Variants in AQP3 observed in about 807,000 individuals in gnomAD.
The protein encoded by AQP3 is aquaporin 3 (Gill blood group).
AQP3 carries 15 observed loss-of-function variants against 30.3 expected under a neutral mutation model. That is an observed-to-expected ratio of 0.49 (90% CI 0.33 to 0.76). The LOEUF (loss-of-function observed/expected upper bound fraction) is 0.76, where lower values mean the gene tolerates loss of function less well. AQP3 is among the 30% of genes least tolerant of loss of function. The pLI is 0.02. For missense variants in AQP3, 272 were observed against 384.8 expected (o/e 0.71, Z 2.45); for synonymous variants, 153 against 163.2 (o/e 0.94, Z 0.47).
rs1388106286 is a variant in AQP3 at position 33,443,721 on chromosome 9, A to G, written c.235+45T>C. 2 of 1,612,988 alleles carry G rather than the reference A, an allele frequency of 1.2e-6. No homozygotes were observed. The highest frequency in any genetic ancestry group is 1.7e-6 in the Non-Finnish European group (2 of 1,179,632). ...TAGGAATGCCAGGACACCTAGTGGG[A>G]ATGCTATTGAGGGCCAAGGGCTGGG... On this transcript the variant is annotated intron_variant, in intron 2 of 5. Coordinates refer to ENST00000297991, the MANE Select transcript of AQP3 (RefSeq NM_004925.5). The surrounding 1 kb of genome is among the most constrained non-coding windows in gnomAD (Gnocchi z 5.0).
rs752949682 is a variant in AQP3, at chr9:33,447,523, C to A, written c.8G>T (p.Arg3Leu). 1.2e-6 allele frequency: 2 copies of A among 1,601,992 alleles called. No individual in the cohort carries two copies. The highest frequency in any genetic ancestry group is 1.7e-6 in the Non-Finnish European group (2 of 1,173,832). ...GCAGCGGGACACCAGCTCCTTCTGT[C>A]GACCCATGGCGGGGCAGGCGGCGGC... MG[R>L]QKELVSRCGE... Residue 3 changes from arginine (R) to leucine (L), a missense_variant, in exon 1 of 6, where the codon CGA becomes CTA. Physicochemically the swap from Arg to Leu is moderately radical, Grantham distance 102 (BLOSUM62 -2). This residue lies in a region of AQP3 where 51 missense variants were observed against 46.5 expected (regional missense o/e 1.10). Transcript: ENST00000297991.
In AQP3 at chr9:33,441,682, CCCT is replaced by C; in HGVS notation, c.*358_*360del. The C allele has an allele frequency of 2.4e-6, 1 of 423,088 alleles. No individual in the cohort carries two copies. The highest frequency in any genetic ancestry group is 7.1e-5 in the South Asian group (1 of 14,064). The allele number at this position is 423,088 out of a possible 1,614,324, so 26.2% of individuals were successfully genotyped here. ...ATAGCCAGAATCCCTTCCGACTGGT[CCCT>C]TGCCCTGAATATCTGGGAACCCCCC... On this transcript the variant is annotated 3_prime_UTR_variant, in exon 6 of 6. Transcript: ENST00000297991.
In AQP3 at chr9:33,447,283, C is replaced by G. The variant is rs1035068806; in HGVS notation, c.108+140G>C. 6 of 759,490 alleles carry G rather than the reference C, an allele frequency of 7.9e-6. No homozygotes were observed. The African/African-American group carries it at 1.0e-4, about 13-fold the overall frequency. 47.0% of individuals were successfully genotyped at this position (759,490 alleles called of 1,614,324 possible). A position where few individuals can be genotyped will look rare whatever the true frequency, so the allele number is the denominator to read the frequency against. On this transcript the variant is annotated intron_variant, in intron 1 of 5. Transcript: ENST00000297991. ...AGAGGACTTTGGAAGTCAGCTTGAT[C>G]CTCCGCGGTTAAGCGTGGGGGTCAC...
rs753351256 is a variant in AQP3, at chr9:33,441,948, G to T, written c.*95C>A. On this transcript the variant is annotated 3_prime_UTR_variant, in exon 6 of 6. Coordinates refer to ENST00000297991, the MANE Select transcript of AQP3 (RefSeq NM_004925.5). Reference sequence around the variant, plus strand: ...ATAGGGAGCTCCTTAGCCTGAAAGGGTGGATCGTGAAGGGGGCTTCTTGGG... The same window carrying T: ...ATAGGGAGCTCCTTAGCCTGAAAGGTTGGATCGTGAAGGGGGCTTCTTGGG... 118 of 1,543,636 alleles carry T rather than the reference G, an allele frequency of 7.6e-5. No individual in the cohort carries two copies. The highest frequency in any genetic ancestry group is 1.0e-4 in the Non-Finnish European group (114 of 1,138,618).
chr9:33,443,594 C>A lies in AQP3; in HGVS notation c.236-136G>T, dbSNP rs2231227. On this transcript the variant is annotated intron_variant, in intron 2 of 5. Transcript: ENST00000297991. The surrounding 1 kb of genome is among the most constrained non-coding windows in gnomAD (Gnocchi z 5.0). ...TCTATGTAACAGGTCAGCTGATAAT[C>A]TCTGATTCCAAGGTGAGAGTCGAAA... is the stretch of plus-strand genomic sequence containing the variant. 0.02 allele frequency: 28,362 copies of A among 1,449,082 alleles called. 363 individuals carry two copies. Among genetic ancestry groups the A allele is most frequent in the Middle Eastern group, 0.053 (229 of 4,340 alleles). The allele number at this position is 1,449,082 out of a possible 1,614,324, so 89.8% of individuals were successfully genotyped here. A position where few individuals can be genotyped will look rare whatever the true frequency, so the allele number is the denominator to read the frequency against.
At chr9:33,442,750 A>G (rs1587197991) in intron 4 of AQP3, 102 bp downstream of exon 4, 1 of 1,245,876 alleles carries the variant, frequency 8.0e-7, no homozygotes, top group Non-Finnish European at 1.2e-6. Flanking sequence ...GATTGGAGAA[A>G]CCCTGCTACA....
At position 33,443,110 on chromosome 9, in the gene AQP3, G is replaced by C; in HGVS notation, c.374-140C>G. The C allele has an allele frequency of 9.7e-7, 1 of 1,032,738 alleles. No individual in the cohort carries two copies. Among genetic ancestry groups the C allele is most frequent in the Non-Finnish European group, 1.5e-6 (1 of 682,246 alleles). 64.0% of individuals were successfully genotyped at this position (1,032,738 alleles called of 1,614,324 possible). On this transcript the variant is annotated intron_variant, in intron 3 of 5. Coordinates refer to ENST00000297991, the MANE Select transcript of AQP3 (RefSeq NM_004925.5). The surrounding 1 kb of genome is among the most constrained non-coding windows in gnomAD (Gnocchi z 5.0). ...TATTGCAGCAGGCAGAGGGGGTGGCGTGGGGTGGGGTGGAGGGCCTGAGAC... is the reference window on the plus strand; with the variant it reads ...TATTGCAGCAGGCAGAGGGGGTGGCCTGGGGTGGGGTGGAGGGCCTGAGAC...
chr9:33,443,916 G>A lies in AQP3; in HGVS notation c.109-24C>T, dbSNP rs769374338. 2.0e-5 allele frequency: 33 copies of A among 1,610,372 alleles called. No homozygotes were observed. The highest frequency in any genetic ancestry group is 3.5e-4 in the Middle Eastern group (2 of 5,670). Reference sequence around the variant, plus strand: ...ATCTGTCAGGAAGAAGAACAGGCAGGGAGGGTGAGGACCAGCAACTCTCAC... The same window carrying A: ...ATCTGTCAGGAAGAAGAACAGGCAGAGAGGGTGAGGACCAGCAACTCTCAC... On this transcript the variant is annotated intron_variant, in intron 1 of 5. Coordinates refer to ENST00000297991, the MANE Select transcript of AQP3 (RefSeq NM_004925.5). The surrounding 1 kb of genome is among the most constrained non-coding windows in gnomAD (Gnocchi z 5.0).
chr9:33,445,011 A>G (rs903019001), intron 1 of AQP3, among the ~76,000 whole-genome samples: 2 of 152,178 alleles, frequency 1.3e-5, no homozygotes, highest in African/African-American at 4.8e-5. Context: ...AATATAGAAC[A>G]TACTGGAGCC....
Position 33,442,215 on chromosome 9 carries a change from G to C in AQP3, c.711-4C>G. 1 of 1,612,602 alleles carries C rather than the reference G, an allele frequency of 6.2e-7. No individual in the cohort carries two copies. The highest frequency in any genetic ancestry group is 8.5e-7 in the Non-Finnish European group (1 of 1,179,572). On this transcript the variant is annotated splice_polypyrimidine_tract_variant and splice_region_variant and intron_variant, in intron 5 of 5. Coordinates refer to ENST00000297991, the MANE Select transcript of AQP3 (RefSeq NM_004925.5). ...CCACCACCAATGCTGGCCGGTCCTG[G>C]GGGGACAGACACTCATAGTCAGGGA...
chr9:33,442,625 C>A, intron 4 of AQP3, 107 bp from the exon 5 acceptor site: 1 of 1,234,952 alleles, frequency 8.1e-7, no homozygotes, highest in South Asian at 1.3e-5. Flanking sequence ...CAGCGCCCGC[C>A]CATGCTCTTC....
intron 1 of AQP3, among the ~76,000 whole-genome samples, 189 bp from the exon 2 acceptor site, chr9:33,444,081 C>G (rs1259967231): frequency 6.6e-6 from 1 of 152,208 alleles, no homozygotes; most frequent in Non-Finnish European, 1.5e-5. Context: ...TCCCACCCCA[C>G]TGTCCCAACT....
chr9:33,442,476 C>A lies in AQP3; in HGVS notation c.535G>T (p.Val179Phe). The stretch of plus-strand genomic sequence containing the variant: ...GGGACGGGGTTGTTGTAGGGGTCAA[C>A]AATGGCCAGCACACACACGATAAGG... The part of the protein sequence containing the change: ...ASLIVCVLAI[V>F]DPYNNPVPRG... Residue 179 changes from valine to phenylalanine, a missense_variant, in exon 5 of 6, where the codon GTT (valine) becomes TTT (phenylalanine). Coordinates refer to ENST00000297991, the MANE Select transcript of AQP3 (RefSeq NM_004925.5). 2 of 1,611,070 alleles carry A rather than the reference C, an allele frequency of 1.2e-6. No homozygotes were observed. The highest frequency in any genetic ancestry group is 1.7e-6 in the Non-Finnish European group (2 of 1,179,158).
chr9:33,443,614 T>A lies in AQP3; in HGVS notation c.235+152A>T. ...ATAATCTCTGATTCCAAGGTGAGAG[T>A]CGAAAGTTCTAAGTGTCAAGTTTCT... On this transcript the variant is annotated intron_variant, in intron 2 of 5. Transcript: ENST00000297991. The surrounding 1 kb of genome is among the most constrained non-coding windows in gnomAD (Gnocchi z 5.0). The A allele has an allele frequency of 1.4e-6, 2 of 1,461,550 alleles. No homozygotes were observed. Among genetic ancestry groups the A allele is most frequent in the African/African-American group, 2.8e-5 (2 of 71,398 alleles). The allele number at this position is 1,461,550 out of a possible 1,614,324, so 90.5% of individuals were successfully genotyped here.
chr9:33,447,551 T>C lies in AQP3; in HGVS notation c.-21A>G, dbSNP rs1274678035. 3 of 1,568,264 alleles carry C rather than the reference T, an allele frequency of 1.9e-6. No individual in the cohort carries two copies. Among genetic ancestry groups the C allele is most frequent in the South Asian group, 2.3e-5 (2 of 86,722 alleles). On this transcript the variant is annotated 5_prime_UTR_variant, in exon 1 of 6. Transcript: ENST00000297991. ...CCCATGGCGGGGCAGGCGGCGGCGC[T>C]GTCGGGCGGGCAGGGGTGGCGGGAG... is the stretch of plus-strand genomic sequence containing the variant.
chr9:33,442,675 AC>A, intron 4 of AQP3, 157 bp from the exon 5 acceptor site: 1 of 1,079,868 alleles, frequency 9.3e-7, no homozygotes, highest in East Asian at 2.4e-5. Context: ...CGTGACAAGA[AC>A]CCGCTGGAGA....
chr9:33,442,150 C>G lies in AQP3; in HGVS notation c.772G>C (p.Val258Leu). The G allele has an allele frequency of 6.2e-7, 1 of 1,613,498 alleles. No homozygotes were observed. Among genetic ancestry groups the G allele is most frequent in the Non-Finnish European group, 8.5e-7 (1 of 1,180,038 alleles). ...VSPLLGSIAG[V>L]FVYQLMIGCH... ...CCGATCATCAGCTGGTACACGAAGA[C>G]ACCCGCAATGGAGCCCAGGAGTGGG... Residue 258 changes from valine (V) to leucine (L), a missense_variant, in exon 6 of 6, where the codon GTC becomes CTC. By Grantham distance (32) the Val-to-Leu change is conservative. Around this residue, in one of 3 missense-constraint regions of AQP3, gnomAD observed 51 missense variants for 51.8 expected, o/e 0.98. Transcript: ENST00000297991.
chr9:33,444,003 C>T (rs1051172915), intron 1 of AQP3, 111 bp from the exon 2 acceptor site: 78 of 1,376,974 alleles, frequency 5.7e-5, no homozygotes, highest in Middle Eastern at 2.6e-4. Context: ...GGACTAGAGG[C>T]GCTTCCTGGA....
rs1247322757 is a variant in AQP3, at chr9:33,441,457, G to C, written c.*586C>G. 1.3e-5 allele frequency: 2 copies of C among 155,030 alleles called. No homozygotes were observed. The highest frequency in any genetic ancestry group is 3.8e-4 in the East Asian group (2 of 5,230). 9.6% of individuals were successfully genotyped at this position (155,030 alleles called of 1,614,324 possible). On this transcript the variant is annotated 3_prime_UTR_variant, in exon 6 of 6. Coordinates refer to ENST00000297991, the MANE Select transcript of AQP3 (RefSeq NM_004925.5). ...CCTAAGCTGTGGCCCCCTCCTCCCAGCCCTACCCACATCCACCCTACTTCC... is the reference window on the plus strand; with the variant it reads ...CCTAAGCTGTGGCCCCCTCCTCCCACCCCTACCCACATCCACCCTACTTCC...
Sources: allele counts gnomAD v4.1 joint callset (sites outside exome capture counted in the v4.1 genomes callset), GRCh38; gene constraint gnomAD v4.1.1; regional missense constraint gnomAD v4.1.1; non-coding constraint Gnocchi (gnomAD v3.1); transcripts MANE v1.5; gene names NCBI Gene and HGNC (gene_info 2026-07-23, HGNC 2026-07-21).